Variants in DPYSL4 observed in about 807,000 individuals in gnomAD.
DPYSL4 encodes dihydropyrimidinase like 4.
DPYSL4 carries 43 observed loss-of-function variants against 63.4 expected under a neutral mutation model. That is an observed-to-expected ratio of 0.68 (90% CI 0.53 to 0.88). The LOEUF (loss-of-function observed/expected upper bound fraction) is 0.88. DPYSL4 is among the 40% of genes least tolerant of loss of function. The pLI is 0.00. For synonymous variants in DPYSL4, 353 were observed against 331.7 expected, an observed-to-expected ratio of 1.06 and a Z score of -0.70; for missense variants, 733 against 819.5, an observed-to-expected ratio of 0.89 and a Z score of 1.29.
At chr10:132,191,678 A>C (rs1170541795) in intron 2 of DPYSL4, among the ~76,000 whole-genome samples, 1 of 70,866 alleles carries the variant, frequency 1.4e-5, no homozygotes, top group African/African-American at 5.0e-5. Flanking sequence ...AGGCAGGTGA[A>C]AGTATGTTCC....
At chr10:132,189,698 A>C (rs953240497) in intron 1 of DPYSL4, among the ~76,000 whole-genome samples, 1 of 152,052 alleles carries the variant, frequency 6.6e-6, no homozygotes, top group East Asian at 1.9e-4. Context: ...GTCCCTTCCC[A>C]TAGTCCTGTC....
Position 132,205,248 on chromosome 10 carries a change from G to A in DPYSL4, c.*318G>A, listed in dbSNP as rs932233981. 7.1e-5 allele frequency: 17 copies of A among 239,508 alleles called. No homozygotes were observed. The highest frequency in any genetic ancestry group is 2.5e-4 in the African/African-American group (11 of 44,600). 14.8% of individuals were successfully genotyped at this position (239,508 alleles called of 1,614,324 possible). On this transcript the variant is annotated 3_prime_UTR_variant, in exon 14 of 14. Coordinates refer to ENST00000338492, the MANE Select transcript of DPYSL4 (RefSeq NM_006426.3). ...CCAGCCTGGGGACAGGGAACCTGCC[G>A]GGCTCACAGTGTGGGAGCAGCTGGA...
intron 10 of DPYSL4, among the ~76,000 whole-genome samples, 174 bp downstream of exon 10, chr10:132,201,157 G>A (rs76037184): frequency 6.6e-6 from 1 of 152,042 alleles, no homozygotes; most frequent in African/African-American, 2.4e-5. Flanking sequence ...CGTGGTTCTG[G>A]CCCCTCCAGA....
intron 13 of DPYSL4, 140 bp downstream of exon 13, chr10:132,204,067 TG>T: frequency 2.6e-6 from 3 of 1,156,574 alleles, no homozygotes; most frequent in Non-Finnish European, 3.6e-6. Context: ...GAGATGCTGC[TG>T]GGGGTGTTGT....
intron 13 of DPYSL4, 71 bp downstream of exon 13, chr10:132,203,998 G>A: frequency 6.5e-7 from 1 of 1,533,116 alleles, no homozygotes; most frequent in African/African-American, 1.4e-5. Context: ...AGGTACCAGG[G>A]CCCAGCCTGT....
Position 132,203,860 on chromosome 10 carries a change from G to A in DPYSL4, c.1560G>A (p.Ala520=), listed in dbSNP as rs149648756. 3.5e-5 allele frequency: 56 copies of A among 1,613,008 alleles called. No homozygotes were observed. In the Middle Eastern group the frequency reaches 1.3e-3, roughly 38 times the overall value. ...AKPGSGAPAR[A]SCPGKISVPP... is the part of the protein sequence containing the mutation. Reference sequence around the variant, plus strand: ...CAGGGAGTGGCGCTCCGGCCCGCGCGTCCTGCCCAGGCAAGATCTCCGTCC... The same window carrying A: ...CAGGGAGTGGCGCTCCGGCCCGCGCATCCTGCCCAGGCAAGATCTCCGTCC... Residue 520 remains alanine, a synonymous_variant, in exon 13 of 14, where the codon GCG becomes GCA. Transcript: ENST00000338492.
chr10:132,194,881 T>A lies in DPYSL4; in HGVS notation c.350T>A (p.Leu117Gln), dbSNP rs1341469820. Residue 117 changes from leucine (L) to glutamine (Q), a missense_variant, in exon 4 of 14, where the codon CTG becomes CAG. Physicochemically the swap from Leu to Gln is moderately radical, Grantham distance 113. Transcript: ENST00000338492. ...TTCCCCGACACGGGTGTGAGCCTGCTGGCGGCCTACGAGCAGTGGCGGGAG... is the reference window on the plus strand; with the variant it reads ...TTCCCCGACACGGGTGTGAGCCTGCAGGCGGCCTACGAGCAGTGGCGGGAG... ...HVFPDTGVSLLAAYEQWRERA... is the reference protein window; with the variant it reads ...HVFPDTGVSLQAAYEQWRERA... The A allele has an allele frequency of 1.2e-6, 2 of 1,612,830 alleles. No individual in the cohort carries two copies. Among genetic ancestry groups the A allele is most frequent in the Non-Finnish European group, 1.7e-6 (2 of 1,179,908 alleles).
chr10:132,202,167 C>T (rs536307484), intron 11 of DPYSL4, 51 bp downstream of exon 11: 26 of 1,578,448 alleles, frequency 1.6e-5, no homozygotes, highest in Middle Eastern at 1.9e-4. Flanking sequence ...GGCCGGGACC[C>T]CAGGGCAGCC....
intron 12 of DPYSL4, 110 bp downstream of exon 12, chr10:132,202,935 G>A: frequency 7.5e-7 from 1 of 1,341,266 alleles, no homozygotes; most frequent in Non-Finnish European, 1.0e-6. Context: ...GGGTCAGGAA[G>A]ACAGAGCGGG....
At chr10:132,193,236 T>C (rs2061900106) in intron 3 of DPYSL4, among the ~76,000 whole-genome samples, 1 of 152,230 alleles carries the variant, frequency 6.6e-6, no homozygotes. Context: ...GCTTCATATC[T>C]GGAAGGTTCT....
chr10:132,202,894 A>C, intron 12 of DPYSL4, 69 bp downstream of exon 12: 1 of 1,501,372 alleles, frequency 6.7e-7, no homozygotes, highest in South Asian at 1.3e-5. Context: ...CCCAGAACGC[A>C]CCCCTGGTCA....
In DPYSL4 at chr10:132,192,742, C is replaced by T. The variant is rs202128118; in HGVS notation, c.213C>T (p.Asp71=). ...HGLMVLPGGV[D]VHTRLQMPVL... ...TGATGGTCCTTCCTGGTGGCGTTGA[C>T]GTCCACACAAGGCTGCAGATGCCTG... is the stretch of plus-strand genomic sequence containing the variant. Residue 71 remains aspartate (D), a synonymous_variant, in exon 3 of 14, where the codon GAC becomes GAT. Coordinates refer to ENST00000338492, the MANE Select transcript of DPYSL4 (RefSeq NM_006426.3). The T allele has an allele frequency of 1.1e-4, 170 of 1,613,428 alleles. 1 individual carries two copies. Among genetic ancestry groups the T allele is most frequent in the East Asian group, 6.0e-4 (27 of 44,890 alleles).
chr10:132,188,587 G>A (rs1025346985), intron 1 of DPYSL4, among the ~76,000 whole-genome samples: 3 of 152,306 alleles, frequency 2.0e-5, no homozygotes, highest in Admixed American at 6.5e-5. Flanking sequence ...GAGGTGCAGC[G>A]GCTGGGAACA....
chr10:132,202,611 G>C (rs2637629), intron 11 of DPYSL4, 35 bp from the exon 12 acceptor site: 2 of 1,607,536 alleles, frequency 1.2e-6, no homozygotes, highest in South Asian at 2.2e-5. Context: ...GGGCCCCAGC[G>C]TGGAGGCACT....
rs1307547089 is a variant in DPYSL4 at position 132,187,142 on chromosome 10, C to A, written c.39+40C>A. The A allele has an allele frequency of 3.4e-6, 5 of 1,486,904 alleles. No homozygotes were observed. The African/African-American group carries it at 5.7e-5, about 17-fold the overall frequency. The allele number at this position is 1,486,904 out of a possible 1,614,324, so 92.1% of individuals were successfully genotyped here. A position where few individuals can be genotyped will look rare whatever the true frequency, so the allele number is the denominator to read the frequency against. ...GCTTCGCCCGGCGCCCCCTGCCCGC[C>A]GCCCGGAGTGGGGCCTGGACGCCGG... On this transcript the variant is annotated intron_variant, in intron 1 of 13. Coordinates refer to ENST00000338492, the MANE Select transcript of DPYSL4 (RefSeq NM_006426.3).
At chr10:132,203,485 A>G in intron 12 of DPYSL4, 1 of 483,960 alleles carries the variant, frequency 2.1e-6, no homozygotes, top group Non-Finnish European at 3.7e-6. Context: ...CTGTGTTGGT[A>G]AGACTGAGGG....
intron 3 of DPYSL4, 84 bp downstream of exon 3, chr10:132,192,926 G>T (rs925436546): frequency 1.6e-5 from 23 of 1,409,786 alleles, no homozygotes; most frequent in Non-Finnish European, 2.0e-5. Context: ...GGGAGGAGGA[G>T]TGTCGCCTAA....
At chr10:132,198,808 C>G (rs756114674) in intron 7 of DPYSL4, 43 bp from the exon 8 acceptor site, 20 of 1,607,994 alleles carry the variant, frequency 1.2e-5, no homozygotes, top group African/African-American at 4.0e-5. Flanking sequence ...GTCTGGAGCC[C>G]CAGGGCCCTC....
At chr10:132,193,491 C>G (rs1441797108) in intron 3 of DPYSL4, among the ~76,000 whole-genome samples, 1 of 152,222 alleles carries the variant, frequency 6.6e-6, no homozygotes, top group Admixed American at 6.5e-5. Flanking sequence ...AGTCCGCCTG[C>G]CCACCACGAG....
Sources: allele counts gnomAD v4.1 joint callset (sites outside exome capture counted in the v4.1 genomes callset), GRCh38; gene constraint gnomAD v4.1.1; transcripts MANE v1.5; gene names NCBI Gene and HGNC (gene_info 2026-07-23, HGNC 2026-07-21).